Variants in MLLT3 observed in about 807,000 individuals in gnomAD.
MLLT3 encodes protein AF-9.
MLLT3 carries 4 observed loss-of-function variants against 53.2 expected under a neutral mutation model. The observed-to-expected ratio is 0.08, with a 90% CI of 0.04 to 0.17. The LOEUF is 0.17. Among genes scored for constraint, MLLT3 ranks in the 10% least tolerant of loss-of-function variants. The pLI is 1.00. For missense variants in MLLT3, 569 were observed against 684.0 expected, an observed-to-expected ratio of 0.83 and a Z score of 1.87; for synonymous variants, 283 against 230.6, an observed-to-expected ratio of 1.23 and a Z score of -2.06.
At chr9:20,362,194 T>C (rs2118637940) in intron 7 of MLLT3, among the ~76,000 whole-genome samples, 1 of 152,270 alleles carries the variant, frequency 6.6e-6, no homozygotes, top group Non-Finnish European at 1.5e-5. Flanking sequence ...GCCCCCAAAA[T>C]GTGTATCTGT....
At chr9:20,488,393 GA>G (rs1411443629) in intron 2 of MLLT3, among the ~76,000 whole-genome samples, 3 of 151,842 alleles carry the variant, frequency 2.0e-5, no homozygotes, top group South Asian at 2.1e-4. Context: ...CAATAAAAAA[GA>G]AAAAAACTAA....
chr9:20,434,043 T>C lies in MLLT3; in HGVS notation c.420+14080A>G, dbSNP rs561000434. Among the ~76,000 whole-genome samples the C allele has an allele frequency of 8.6e-5, 13 of 151,938 alleles. No individual in the cohort carries two copies. In the South Asian group the frequency reaches 2.7e-3, roughly 32 times the overall value. On this transcript the variant is annotated intron_variant, in intron 4 of 10. Transcript: ENST00000380338. The stretch of plus-strand genomic sequence containing the variant: ...GGATGAGGCAGCAGAATCGCTTGAA[T>C]CTGGGAAGCGGAGGTTGCAGTGAGC...
chr9:20,573,320 T>A (rs546887180), intron 2 of MLLT3, among the ~76,000 whole-genome samples: 1 of 152,116 alleles, frequency 6.6e-6, no homozygotes, highest in East Asian at 1.9e-4. Context: ...GCTGGAACTA[T>A]AGGCACATGC....
intron 4 of MLLT3, among the ~76,000 whole-genome samples, chr9:20,426,683 C>A (rs575273171): frequency 1.3e-4 from 19 of 151,936 alleles, no homozygotes; most frequent in Non-Finnish European, 2.5e-4. Context: ...GAAAACAACT[C>A]GTCTAATTTG....
chr9:20,461,119 C>T (rs1228319599), intron 2 of MLLT3, among the ~76,000 whole-genome samples: 1 of 152,116 alleles, frequency 6.6e-6, no homozygotes, highest in East Asian at 1.9e-4. Context: ...ATCCCATGTA[C>T]CATGTAAGGT....
At chr9:20,496,806 C>T (rs1471407841) in intron 2 of MLLT3, among the ~76,000 whole-genome samples, 2 of 152,204 alleles carry the variant, frequency 1.3e-5, no homozygotes, top group African/African-American at 2.4e-5. Flanking sequence ...TCTCAAATCC[C>T]TGTCCAACTT....
chr9:20,540,704 G>T (rs1818608437), intron 2 of MLLT3, among the ~76,000 whole-genome samples: 2 of 152,194 alleles, frequency 1.3e-5, no homozygotes, highest in Non-Finnish European at 2.9e-5. Context: ...TGATGGGAGG[G>T]GCTACTGTGA....
chr9:20,445,078 G>A (rs1201712678), intron 4 of MLLT3, among the ~76,000 whole-genome samples: 4 of 151,636 alleles, frequency 2.6e-5, no homozygotes, highest in Admixed American at 2.6e-4. Context: ...GCAACAGAGT[G>A]AGACTCCATC....
chr9:20,516,236 C>T (rs1459945319), intron 2 of MLLT3, among the ~76,000 whole-genome samples: 1 of 152,236 alleles, frequency 6.6e-6, no homozygotes, highest in African/African-American at 2.4e-5. Flanking sequence ...AATGTTTACA[C>T]TAAACGGCTC....
chr9:20,445,872 A>C (rs954211543), intron 4 of MLLT3, among the ~76,000 whole-genome samples: 1 of 152,162 alleles, frequency 6.6e-6, no homozygotes. Context: ...AAGAAGAAGA[A>C]GTTTATCTGA....
At chr9:20,361,743 T>G (rs1049111564) in intron 7 of MLLT3, among the ~76,000 whole-genome samples, 3 of 152,242 alleles carry the variant, frequency 2.0e-5, no homozygotes, top group African/African-American at 7.2e-5. Flanking sequence ...TATTCTACTG[T>G]GCTGAATGTA....
At chr9:20,574,891 C>T (rs1219585515) in intron 2 of MLLT3, among the ~76,000 whole-genome samples, 1 of 152,212 alleles carries the variant, frequency 6.6e-6, no homozygotes, top group Admixed American at 6.5e-5. Context: ...TCAAACCCTG[C>T]CGTCACTTGA....
intron 2 of MLLT3, among the ~76,000 whole-genome samples, chr9:20,469,867 C>T (rs760908805): frequency 2.6e-5 from 4 of 151,954 alleles, no homozygotes; most frequent in Admixed American, 6.6e-5. Flanking sequence ...TATTTTGAAT[C>T]GACTGGAACT....
intron 2 of MLLT3, among the ~76,000 whole-genome samples, chr9:20,496,559 T>C (rs553816018): frequency 6.6e-6 from 1 of 152,134 alleles, no homozygotes; most frequent in Admixed American, 6.5e-5. Flanking sequence ...CACACACACA[T>C]TAAAAAAAAT....
At chr9:20,363,281 G>T in intron 7 of MLLT3, 195 bp downstream of exon 7, 2 of 547,466 alleles carry the variant, frequency 3.7e-6, no homozygotes, top group South Asian at 4.1e-5. Flanking sequence ...TAGAGGAAAA[G>T]CCTCTTTCTG....
At chr9:20,407,587 C>G (rs759052960) in intron 5 of MLLT3, among the ~76,000 whole-genome samples, 2 of 152,174 alleles carry the variant, frequency 1.3e-5, no homozygotes, top group Non-Finnish European at 2.9e-5. Context: ...TAGCACACCT[C>G]TACAATTTTA....
At chr9:20,437,657 T>C (rs946996750) in intron 4 of MLLT3, among the ~76,000 whole-genome samples, 1 of 152,124 alleles carries the variant, frequency 6.6e-6, no homozygotes, top group Admixed American at 6.6e-5. Flanking sequence ...CTGAGACCCA[T>C]ATGAAGAGCC....
intron 2 of MLLT3, among the ~76,000 whole-genome samples, chr9:20,476,061 T>C (rs1586978518): frequency 6.6e-6 from 1 of 152,218 alleles, no homozygotes; most frequent in East Asian, 1.9e-4. Context: ...GCGCTGTTTT[T>C]TTTGTGTATT....
At chr9:20,407,352 T>A (rs1206539303) in intron 5 of MLLT3, among the ~76,000 whole-genome samples, 2 of 151,694 alleles carry the variant, frequency 1.3e-5, no homozygotes, top group African/African-American at 4.8e-5. Flanking sequence ...CCCAAGAGAG[T>A]CAGTTTTATT....
Sources: gnomAD v4.1 joint callset for allele counts (sites outside exome capture counted in the v4.1 genomes callset) on GRCh38, gnomAD v4.1.1 for gene constraint, MANE v1.5 for transcripts, NCBI Gene and HGNC (gene_info 2026-07-23, HGNC 2026-07-21) for gene names.